The following RACK1 variants were observed in gnomAD, a reference collection of about 807,000 sequenced individuals.
RACK1 encodes the protein receptor for activated C kinase 1.
A neutral mutation model predicts 42.2 loss-of-function variants in RACK1; 3 were observed. The ratio of observed to expected loss-of-function variants is 0.07; its 90% CI spans 0.03 to 0.18. The LOEUF is 0.18. Ranked by LOEUF, RACK1 falls within the 10% of genes least tolerant of loss-of-function variation. The probability of loss-of-function intolerance (pLI) is 1.00; values close to 1 mark genes in which losing one functional copy is unlikely to be tolerated. For synonymous variants in RACK1, 181 were observed against 154.8 expected, an observed-to-expected ratio of 1.17 and a Z score of -1.25; for missense variants, 146 against 403.2, an observed-to-expected ratio of 0.36 and a Z score of 5.46.
At chr5:181,242,403 C>T in intron 1 of RACK1, 58 bp from the exon 2 acceptor site, 1 of 1,161,802 alleles carries the variant, frequency 8.6e-7, no homozygotes, top group Non-Finnish European at 1.3e-6. Flanking sequence ...GTTTAACACA[C>T]TGGATAATTC....
intron 3 of RACK1, among the ~76,000 whole-genome samples, chr5:181,240,065 T>C (rs181580369): frequency 8.2e-4 from 123 of 150,378 alleles, no homozygotes; most frequent in African/African-American, 2.9e-3. Context: ...AATATAATAA[T>C]AATAATAGGG....
intron 1 of RACK1, chr5:181,243,218 C>A: frequency 7.9e-7 from 1 of 1,269,636 alleles, no homozygotes; most frequent in Non-Finnish European, 1.0e-6. Flanking sequence ...GGGATAGGGA[C>A]GGGGAGAACC....
chr5:181,243,432 T>G, intron 1 of RACK1: 1 of 1,508,034 alleles, frequency 6.6e-7, no homozygotes, highest in Non-Finnish European at 8.9e-7. Context: ...AAAAGATATT[T>G]TAAAAGTTTC....
chr5:181,238,051 G>C, intron 6 of RACK1, 48 bp downstream of exon 6: 1 of 1,599,758 alleles, frequency 6.3e-7, no homozygotes. Context: ...AACATTGCCA[G>C]GGCTCAGAGT....
At chr5:181,243,394 C>A (rs1006734708) in intron 1 of RACK1, 3 of 1,432,894 alleles carry the variant, frequency 2.1e-6, no homozygotes, top group Non-Finnish European at 2.8e-6. Flanking sequence ...GGCCCGTAGG[C>A]CCCCGGCCAC....
At chr5:181,237,502 T>C in intron 7 of RACK1, 107 bp downstream of exon 7, 1 of 731,736 alleles carries the variant, frequency 1.4e-6, no homozygotes, top group Non-Finnish European at 2.5e-6. Context: ...CATTTCACTT[T>C]ATGCCAAGGA....
At chr5:181,239,856 C>T (rs1229470097) in intron 3 of RACK1, among the ~76,000 whole-genome samples, 1 of 152,096 alleles carries the variant, frequency 6.6e-6, no homozygotes, top group African/African-American at 2.4e-5. Flanking sequence ...ACCAGCCTGG[C>T]CAAAATGGTG....
intron 7 of RACK1, 88 bp from the exon 8 acceptor site, chr5:181,237,130 C>G: frequency 6.3e-7 from 1 of 1,582,038 alleles, no homozygotes; most frequent in Non-Finnish European, 8.6e-7. Context: ...TTTTTGAGAT[C>G]CGTCCACCTT....
At chr5:181,241,964 T>G (rs2241370) in intron 2 of RACK1, 249,727 of 771,548 alleles carry the variant, frequency 0.32, 50,023 homozygotes, top group African/African-American at 0.83. Context: ...ACTCAGAACT[T>G]TTGCACCTGG....
chr5:181,239,910 C>T (rs1168435997), intron 3 of RACK1, among the ~76,000 whole-genome samples: 1 of 151,584 alleles, frequency 6.6e-6, no homozygotes. Context: ...CCAGGTGTGG[C>T]GGCGGGTGCC....
At chr5:181,241,964 T>C (rs2241370) in intron 2 of RACK1, 5 of 771,752 alleles carry the variant, frequency 6.5e-6, no homozygotes, top group African/African-American at 1.7e-5. Context: ...ACTCAGAACT[T>C]TTGCACCTGG....
At chr5:181,237,524 T>G (rs773128615) in intron 7 of RACK1, 85 bp downstream of exon 7, 3 of 806,030 alleles carry the variant, frequency 3.7e-6, no homozygotes, top group Non-Finnish European at 6.6e-6. Flanking sequence ...ACTGCTCTTG[T>G]GTCTGACAGA....
chr5:181,238,861 A>G (rs1759236098), intron 5 of RACK1: 1 of 622,014 alleles, frequency 1.6e-6, no homozygotes, highest in Admixed American at 2.3e-5. Flanking sequence ...GCTTATAGAA[A>G]ATCATCTTTT....
At chr5:181,242,690 T>C (rs1759395908) in intron 1 of RACK1, 2 of 365,574 alleles carry the variant, frequency 5.5e-6, no homozygotes, top group Non-Finnish European at 1.1e-5. Flanking sequence ...CCCAAGTAGC[T>C]GGGATTACTT....
At chr5:181,238,871 T>C in intron 5 of RACK1, 196 bp downstream of exon 5, 1 of 639,168 alleles carries the variant, frequency 1.6e-6, no homozygotes, top group South Asian at 1.6e-5. Context: ...AATCATCTTT[T>C]TCTTCCAGAT....
chr5:181,239,466 C>G lies in RACK1; in HGVS notation c.525+21G>C, dbSNP rs371463954. The G allele has an allele frequency of 3.6e-5, 56 of 1,573,948 alleles. No individual in the cohort carries two copies. The African/African-American group carries it at 5.8e-4, about 16-fold the overall frequency. On this transcript the variant is annotated intron_variant, in intron 4 of 7. Transcript: ENST00000512805. Reference sequence around the variant, plus strand: ...GAGCACACCCTGACTGGTAAAGCCCCTGCCTTGGCTTGACGCTCACCTTGA... The same window carrying G: ...GAGCACACCCTGACTGGTAAAGCCCGTGCCTTGGCTTGACGCTCACCTTGA...
chr5:181,237,633 G>A lies in RACK1; in HGVS notation c.864C>T (p.Ser288=), dbSNP rs752241294. ...CCTGGCCATCAGCAGACCAGGCCAG[G>A]GAGGTGCACTGGGGTGGTTCTGCCT... ...SSKAEPPQCT[S]LAWSADGQTL... The change falls in exon 7 of 8, where the codon TCC becomes TCT. Residue 288 remains serine, a synonymous_variant. Coordinates refer to ENST00000512805, the MANE Select transcript of RACK1 (RefSeq NM_006098.5). The A allele has an allele frequency of 1.2e-6, 2 of 1,605,140 alleles. No individual in the cohort carries two copies. Among genetic ancestry groups the A allele is most frequent in the Non-Finnish European group, 1.7e-6 (2 of 1,171,808 alleles).
chr5:181,236,941 G>GAAAAGCCAGT lies in RACK1; in HGVS notation c.*35_*36insACTGGCTTTT. 7.3e-7 allele frequency: 1 copy of GAAAAGCCAGT among 1,371,372 alleles called. No individual in the cohort carries two copies. The highest frequency in any genetic ancestry group is 1.4e-5 in the African/African-American group (1 of 68,978). The allele number at this position is 1,371,372 out of a possible 1,614,324, so 85.0% of individuals were successfully genotyped here. On this transcript the variant is annotated 3_prime_UTR_variant, in exon 8 of 8. Coordinates refer to ENST00000512805, the MANE Select transcript of RACK1 (RefSeq NM_006098.5). ...AAAAACCTAAAAGTCAGAAAAGCCA[G>GAAAAGCCAGT]TTTTTTTTTTATTTGTAAAGCTCTG...
At chr5:181,242,548 C>G (rs1303874274) in intron 1 of RACK1, 1 of 675,566 alleles carries the variant, frequency 1.5e-6, no homozygotes, top group East Asian at 2.8e-5. Flanking sequence ...TAGAGGTAAA[C>G]TGTACCCTGA....
Sources: gnomAD v4.1 joint callset for allele counts (sites outside exome capture counted in the v4.1 genomes callset) on GRCh38, gnomAD v4.1.1 for gene constraint, MANE v1.5 for transcripts, NCBI Gene and HGNC (gene_info 2026-07-23, HGNC 2026-07-21) for gene names.